Variants in CRIM1 observed in about 807,000 individuals in gnomAD.
CRIM1 encodes the protein cysteine-rich motor neuron 1 protein.
A neutral mutation model predicts 116.4 loss-of-function variants in CRIM1; 32 were observed. The ratio of observed to expected loss-of-function variants is 0.27; its 90% CI spans 0.21 to 0.37. The LOEUF (loss-of-function observed/expected upper bound fraction) is 0.37. Ranked by LOEUF, CRIM1 falls within the 10% of genes least tolerant of loss-of-function variation. The pLI, the probability that CRIM1 is intolerant of heterozygous loss-of-function variation, is 1.00. For synonymous variants in CRIM1, 590 were observed against 509.2 expected (o/e 1.16, Z -2.13); for missense variants, 1,331 against 1,354.8 (o/e 0.98, Z 0.28).
At chr2:36,416,327 A>G (rs1558559758) in intron 2 of CRIM1, among the ~76,000 whole-genome samples, 1 of 152,208 alleles carries the variant, frequency 6.6e-6, no homozygotes, top group Non-Finnish European at 1.5e-5. Flanking sequence ...AAATTATAAA[A>G]GATAACTTTC....
At chr2:36,475,959 G>A (rs1484803120) in intron 5 of CRIM1, among the ~76,000 whole-genome samples, 1 of 151,832 alleles carries the variant, frequency 6.6e-6, no homozygotes, top group Non-Finnish European at 1.5e-5. Context: ...TTGTTTATAT[G>A]TTGCTGGATG....
chr2:36,450,448 A>C (rs952944022), intron 4 of CRIM1, among the ~76,000 whole-genome samples: 3 of 152,240 alleles, frequency 2.0e-5, no homozygotes, highest in African/African-American at 7.2e-5. Flanking sequence ...ACACAGAATA[A>C]TATTCATGGA....
At chr2:36,507,151 GCAGT>G (rs1160201992) in intron 8 of CRIM1, among the ~76,000 whole-genome samples, 2 of 152,078 alleles carry the variant, frequency 1.3e-5, no homozygotes, top group Non-Finnish European at 2.9e-5. Context: ...CCAGCCAGCC[GCAGT>G]CAGTCTCCTC....
At chr2:36,467,231 C>T (rs1341115975) in intron 5 of CRIM1, among the ~76,000 whole-genome samples, 1 of 152,192 alleles carries the variant, frequency 6.6e-6, no homozygotes, top group Non-Finnish European at 1.5e-5. Context: ...CTTCCTAATC[C>T]TGTGGAACTG....
intron 2 of CRIM1, 144 bp from the exon 3 acceptor site, chr2:36,441,114 A>T: frequency 9.0e-7 from 1 of 1,116,918 alleles, no homozygotes; most frequent in East Asian, 2.5e-5. Context: ...TTGTTAGTTA[A>T]ACTAAGTTTG....
intron 7 of CRIM1, among the ~76,000 whole-genome samples, chr2:36,488,680 C>T (rs1308245089): frequency 6.6e-6 from 1 of 152,156 alleles, no homozygotes; most frequent in African/African-American, 2.4e-5. Flanking sequence ...GTTTAACTTT[C>T]GCATCTGAGA....
intron 2 of CRIM1, among the ~76,000 whole-genome samples, chr2:36,418,301 G>A (rs542717703): frequency 4.1e-4 from 63 of 152,212 alleles, no homozygotes; most frequent in African/African-American, 1.5e-3. Context: ...TCATGTTTGA[G>A]CTCTTTTTAT....
At chr2:36,432,511 C>T (rs1472534900) in intron 2 of CRIM1, among the ~76,000 whole-genome samples, 2 of 152,090 alleles carry the variant, frequency 1.3e-5, no homozygotes, top group Admixed American at 6.5e-5. Flanking sequence ...CAGTAGGATG[C>T]AAACAGGCCA....
At chr2:36,432,138 C>T (rs1674941994) in intron 2 of CRIM1, among the ~76,000 whole-genome samples, 1 of 152,044 alleles carries the variant, frequency 6.6e-6, no homozygotes, top group South Asian at 2.1e-4. Context: ...GTCATTTGTC[C>T]CATTCTCTAA....
chr2:36,389,453 T>A (rs979820548), intron 1 of CRIM1, among the ~76,000 whole-genome samples: 4 of 152,202 alleles, frequency 2.6e-5, no homozygotes, highest in African/African-American at 9.7e-5. Flanking sequence ...TGTGAACAGC[T>A]GGAGAATTAA....
At chr2:36,443,634 A>G (rs1275827819) in intron 4 of CRIM1, among the ~76,000 whole-genome samples, 1 of 152,208 alleles carries the variant, frequency 6.6e-6, no homozygotes, top group Non-Finnish European at 1.5e-5. Context: ...TCCCAGTGCT[A>G]GGCATTTAGC....
intron 4 of CRIM1, among the ~76,000 whole-genome samples, chr2:36,461,195 C>G (rs1677554430): frequency 6.6e-6 from 1 of 151,994 alleles, no homozygotes; most frequent in Non-Finnish European, 1.5e-5. Flanking sequence ...GAGACGTGGG[C>G]AGGGGGAGAT....
At chr2:36,484,884 G>A (rs1022755854) in intron 7 of CRIM1, among the ~76,000 whole-genome samples, 32 of 152,168 alleles carry the variant, frequency 2.1e-4, no homozygotes, top group African/African-American at 7.0e-4. Context: ...GGGCAAATGG[G>A]TAGTTTCCCC....
At chr2:36,446,494 C>T (rs1676253562) in intron 4 of CRIM1, among the ~76,000 whole-genome samples, 1 of 152,152 alleles carries the variant, frequency 6.6e-6, no homozygotes, top group Non-Finnish European at 1.5e-5. Flanking sequence ...AGTATAGGCT[C>T]TTCCTTATTT....
At position 36,550,650 on chromosome 2, in the gene CRIM1, G is replaced by A. The variant is rs1667706915; in HGVS notation, c.*1949G>A. On this transcript the variant is annotated 3_prime_UTR_variant, in exon 17 of 17. Transcript: ENST00000280527. ...AAAGAAAAAGGTGTTCTAGCTGTTT[G>A]CATCAAAGGAAAAAAAGATTTATTA... 6.6e-6 allele frequency: 1 copy of A among 152,248 alleles called. No homozygotes were observed. Among genetic ancestry groups the A allele is most frequent in the South Asian group, 2.1e-4 (1 of 4,820 alleles). 9.4% of individuals were successfully genotyped at this position (152,248 alleles called of 1,614,324 possible).
intron 13 of CRIM1, among the ~76,000 whole-genome samples, chr2:36,533,923 AAAG>A (rs1666294437): frequency 6.6e-6 from 1 of 151,310 alleles, no homozygotes; most frequent in South Asian, 2.1e-4. Flanking sequence ...GAAGGGAAGG[AAAG>A]AAGGAATGAA....
chr2:36,497,280 T>C (rs1284955159), intron 7 of CRIM1, among the ~76,000 whole-genome samples: 2 of 152,306 alleles, frequency 1.3e-5, no homozygotes, highest in Non-Finnish European at 2.9e-5. Flanking sequence ...CTCTAGAACA[T>C]AGAAGTCCTT....
Position 36,513,624 on chromosome 2 carries a change from A to G in CRIM1, c.1849A>G (p.Lys617Glu). 5 of 1,614,168 alleles carry G rather than the reference A, an allele frequency of 3.1e-6. No individual in the cohort carries two copies. In the South Asian group the frequency reaches 4.4e-5, roughly 14 times the overall value. Reference protein sequence around the residue: ...TCLTVDGHHHKNEESWHDGCR... With the variant: ...TCLTVDGHHHENEESWHDGCR... Reference sequence around the variant, plus strand: ...TCTCACCGTGGATGGTCATCATCATAAAAATGAGGAGAGCTGGCACGATGG... The same window carrying G: ...TCTCACCGTGGATGGTCATCATCATGAAAATGAGGAGAGCTGGCACGATGG... Residue 617 changes from lysine to glutamate, a missense_variant, in exon 11 of 17, where the codon AAA (lysine) becomes GAA (glutamate). By Grantham distance (56) the Lys-to-Glu change is moderately conservative. Around this residue, in one of 3 missense-constraint regions of CRIM1, gnomAD observed 358 missense variants for 436.1 expected, o/e 0.82. Coordinates refer to ENST00000280527, the MANE Select transcript of CRIM1 (RefSeq NM_016441.3).
At chr2:36,529,300 C>A in intron 13 of CRIM1, 1 of 420,334 alleles carries the variant, frequency 2.4e-6, no homozygotes, top group Non-Finnish European at 4.9e-6. Flanking sequence ...AAAACATCTT[C>A]TATAGGTGCA....
Sources: gnomAD v4.1 joint callset for allele counts (sites outside exome capture counted in the v4.1 genomes callset) on GRCh38, gnomAD v4.1.1 for gene constraint, gnomAD v4.1.1 regional missense constraint, MANE v1.5 for transcripts, NCBI Gene and HGNC (gene_info 2026-07-23, HGNC 2026-07-21) for gene names.